KCNIP4: variants seen among roughly 807,000 people sequenced by gnomAD.
KCNIP4 encodes the protein potassium voltage-gated channel interacting protein 4.
A neutral mutation model predicts 34.0 loss-of-function variants in KCNIP4; 12 were observed. The observed-to-expected ratio is 0.35, with a 90% confidence interval of 0.23 to 0.57. The LOEUF (loss-of-function observed/expected upper bound fraction) is 0.57, where lower values mean the gene tolerates loss of function less well. KCNIP4 is among the 20% of genes least tolerant of loss of function. The pLI, the probability that KCNIP4 is intolerant of heterozygous loss-of-function variation, is 0.83. For missense variants in KCNIP4, 238 were observed against 311.7 expected (o/e 0.76, Z 1.78); for synonymous variants, 124 against 102.2 (o/e 1.21, Z -1.29).
intron 1 of KCNIP4, among the ~76,000 whole-genome samples, chr4:21,528,451 G>A (rs1278899958): frequency 6.6e-6 from 1 of 151,728 alleles, no homozygotes; most frequent in Non-Finnish European, 1.5e-5. Context: ...GGTGTATCAC[G>A]AGGTCAGGAG....
intron 1 of KCNIP4, among the ~76,000 whole-genome samples, chr4:21,618,757 C>T (rs1450796229): frequency 1.3e-5 from 2 of 150,604 alleles, no homozygotes; most frequent in Non-Finnish European, 3.0e-5. Context: ...CTCAGCCTCC[C>T]TAGTAGCTTG....
chr4:21,446,795 AC>A (rs1728047373), intron 1 of KCNIP4, among the ~76,000 whole-genome samples: 1 of 152,102 alleles, frequency 6.6e-6, no homozygotes, highest in Non-Finnish European at 1.5e-5. Context: ...ATAAAAAAAA[AC>A]TTATTTCTTT....
rs1199897476 is a variant in KCNIP4, at chr4:20,939,191, A to G, written c.62-56482T>C. ...CCTTTAAATGTAGATTTGATTCATT[A>G]TATCATCCTTGATCTCACTCCATAG... On this transcript the variant is annotated intron_variant, in intron 1 of 8. Transcript: ENST00000382152. 1.2e-3 allele frequency among the ~76,000 whole-genome samples: 188 copies of G among 152,062 alleles called. 3 individuals carry two copies. Among genetic ancestry groups the G allele is most frequent in the Non-Finnish European group, 1.0e-4 (7 of 68,000 alleles).
intron 1 of KCNIP4, among the ~76,000 whole-genome samples, chr4:20,971,056 C>G (rs1020877107): frequency 1.3e-5 from 2 of 152,130 alleles, no homozygotes; most frequent in African/African-American, 4.8e-5. Context: ...AGGAGTTAAT[C>G]AGAATCATGT....
chr4:20,794,407 C>G (rs1217414731), intron 3 of KCNIP4, among the ~76,000 whole-genome samples: 2 of 152,156 alleles, frequency 1.3e-5, no homozygotes, highest in African/African-American at 4.8e-5. Flanking sequence ...AAGCTGTAGA[C>G]CAGTATCAGT....
At chr4:21,852,985 C>T (rs1027657211) in intron 1 of KCNIP4, 3 of 152,140 alleles carry the variant, frequency 2.0e-5, no homozygotes, top group African/African-American at 7.2e-5. Context: ...AATCACAGAT[C>T]CCTTGTTGAA....
At chr4:21,245,202 A>C (rs528465376) in intron 1 of KCNIP4, among the ~76,000 whole-genome samples, 8 of 152,282 alleles carry the variant, frequency 5.3e-5, no homozygotes, top group Non-Finnish European at 7.3e-5. Flanking sequence ...GTGAGGTTAA[A>C]ATGGGAAAAC....
intron 1 of KCNIP4, among the ~76,000 whole-genome samples, chr4:21,014,293 T>C (rs1739314775): frequency 6.6e-6 from 1 of 152,194 alleles, no homozygotes; most frequent in Admixed American, 6.5e-5. Context: ...TCTTGAATTC[T>C]CCTTTCCCCT....
chr4:21,871,950 C>T (rs1273507643), intron 1 of KCNIP4, among the ~76,000 whole-genome samples: 1 of 151,886 alleles, frequency 6.6e-6, no homozygotes. Context: ...TTTCCCTGCA[C>T]CAATTGGAAT....
Position 21,589,497 on chromosome 4 carries a change from G to T in KCNIP4, c.61+359074C>A, listed in dbSNP as rs201246343. Among the ~76,000 whole-genome samples, 5 of 151,210 alleles carry T rather than the reference G, an allele frequency of 3.3e-5. No individual in the cohort carries two copies. The East Asian group carries it at 5.9e-4, about 18-fold the overall frequency. ...TCTAGACCACAATCTAACTGGGGAA[G>T]CAAGAAATAAAATATTAATGCAAAA... On this transcript the variant is annotated intron_variant, in intron 1 of 8. Coordinates refer to ENST00000382152, the MANE Select transcript of KCNIP4 (RefSeq NM_025221.6).
chr4:20,780,802 G>T (rs1161609946), intron 3 of KCNIP4, among the ~76,000 whole-genome samples: 1 of 152,234 alleles, frequency 6.6e-6, no homozygotes, highest in Non-Finnish European at 1.5e-5. Context: ...ATCCAGCCAT[G>T]CCTGATGCTG....
intron 1 of KCNIP4, among the ~76,000 whole-genome samples, chr4:21,536,486 A>G (rs1737175482): frequency 6.6e-6 from 1 of 150,950 alleles, no homozygotes; most frequent in Admixed American, 6.6e-5. Context: ...CTCATTTAAT[A>G]TGGTTAACAC....
At chr4:20,741,944 C>G (rs1578467984) in intron 5 of KCNIP4, among the ~76,000 whole-genome samples, 4 of 152,332 alleles carry the variant, frequency 2.6e-5, no homozygotes, top group Admixed American at 2.6e-4. Flanking sequence ...ATGAACACCT[C>G]TATGCGAATA....
chr4:21,811,280 C>G (rs1241617908), intron 1 of KCNIP4, among the ~76,000 whole-genome samples: 1 of 152,154 alleles, frequency 6.6e-6, no homozygotes, highest in Non-Finnish European at 1.5e-5. Context: ...AAGAGTAAAA[C>G]CCAACATCTG....
intron 6 of KCNIP4, among the ~76,000 whole-genome samples, chr4:20,733,068 A>C (rs1560407348): frequency 6.6e-6 from 1 of 152,204 alleles, no homozygotes; most frequent in Non-Finnish European, 1.5e-5. Context: ...ATGCTGGCTT[A>C]ATGTTTGGAT....
intron 1 of KCNIP4, among the ~76,000 whole-genome samples, chr4:21,872,567 A>G (rs1175929891): frequency 6.6e-6 from 1 of 152,216 alleles, no homozygotes; most frequent in Admixed American, 6.5e-5. Flanking sequence ...GCCTTAGAAT[A>G]CATGAAGAAA....
intron 3 of KCNIP4, among the ~76,000 whole-genome samples, chr4:20,791,640 C>G (rs2149404669): frequency 6.6e-6 from 1 of 151,916 alleles, no homozygotes; most frequent in African/African-American, 2.4e-5. Context: ...AAAGCAAACG[C>G]TAAAATAAAA....
At chr4:21,067,314 C>T (rs937617305) in intron 1 of KCNIP4, among the ~76,000 whole-genome samples, 4 of 152,074 alleles carry the variant, frequency 2.6e-5, no homozygotes, top group Non-Finnish European at 4.4e-5. Flanking sequence ...TCAGGTGAGA[C>T]CCAGCACATT....
chr4:21,769,327 T>C (rs1718624524), intron 1 of KCNIP4, among the ~76,000 whole-genome samples: 1 of 152,180 alleles, frequency 6.6e-6, no homozygotes, highest in Non-Finnish European at 1.5e-5. Flanking sequence ...CTGCCAGGTT[T>C]TCTATTTTAG....
Sources: gnomAD v4.1 joint callset for allele counts (sites outside exome capture counted in the v4.1 genomes callset) on GRCh38, gnomAD v4.1.1 for gene constraint, MANE v1.5 for transcripts, NCBI Gene and HGNC (gene_info 2026-07-23, HGNC 2026-07-21) for gene names.